The following PCDHGB2 variants were observed in gnomAD, a reference collection of about 807,000 sequenced individuals.
PCDHGB2 encodes protocadherin gamma subfamily B, 2.
In PCDHGB2, 55 loss-of-function variants were observed where a neutral mutation model predicts 59.3. That is an observed-to-expected ratio of 0.93 (90% confidence interval 0.75 to 1.16). The LOEUF (loss-of-function observed/expected upper bound fraction) is 1.16. Among genes scored for constraint, PCDHGB2 ranks in the 50% most tolerant of loss-of-function variants. PCDHGB2 has a pLI of 0.00. For missense variants in PCDHGB2, 1,228 were observed against 1,198.5 expected, an observed-to-expected ratio of 1.02 and a Z score of -0.36; for synonymous variants, 516 against 512.0, an observed-to-expected ratio of 1.01 and a Z score of -0.11.
chr5:141,401,083 C>T (rs2094110284), intron 1 of PCDHGB2, among the ~76,000 whole-genome samples: 1 of 152,176 alleles, frequency 6.6e-6, no homozygotes, highest in Admixed American at 6.5e-5. Context: ...GTGGCTCATG[C>T]CTGTAATCCC....
chr5:141,426,275 G>A (rs531044481), intron 1 of PCDHGB2: 2 of 164,168 alleles, frequency 1.2e-5, no homozygotes, highest in East Asian at 1.6e-4. Context: ...CTGCAGCAAC[G>A]CATGGGAAGG....
chr5:141,423,883 A>G, intron 1 of PCDHGB2: 2 of 1,283,462 alleles, frequency 1.6e-6, no homozygotes, highest in Non-Finnish European at 2.0e-6. Context: ...CAATCTTGGC[A>G]TATTTTCTTT....
intron 1 of PCDHGB2, among the ~76,000 whole-genome samples, chr5:141,381,074 T>C (rs1776971630): frequency 6.6e-6 from 1 of 152,250 alleles, no homozygotes; most frequent in Non-Finnish European, 1.5e-5. Flanking sequence ...AACTATGGAT[T>C]ATTTTGATAG....
At chr5:141,365,948 C>A (rs761134623) in intron 1 of PCDHGB2, 2 of 1,614,186 alleles carry the variant, frequency 1.2e-6, no homozygotes, top group Admixed American at 3.3e-5. Context: ...CAGTGGGAAC[C>A]CTCCACTTAG....
At chr5:141,408,111 C>A (rs1477598232) in intron 1 of PCDHGB2, 7 of 1,455,108 alleles carry the variant, frequency 4.8e-6, no homozygotes, top group African/African-American at 4.3e-5. Context: ...ACCCGGGACT[C>A]CTCCTGTCCT....
rs554375300 is a variant in PCDHGB2 at position 141,361,649 on chromosome 5, T to C, written c.1514T>C (p.Val505Ala). The stretch of plus-strand genomic sequence containing the variant: ...AAGCCGCGGGAGATTTTATCCTACG[T>C]GTCCGTGAGCGCGCAGAGCGGGGTG... ...DLKPREILSY[V>A]SVSAQSGVVF... Residue 505 changes from valine (V) to alanine (A), a missense_variant, in exon 1 of 4, where the codon GTG becomes GCG. This residue lies in a region of PCDHGB2 where 781 missense variants were observed against 721.6 expected (regional missense o/e 1.08). Transcript: ENST00000522605. 3.7e-6 allele frequency: 6 copies of C among 1,613,772 alleles called. No individual in the cohort carries two copies. The East Asian group carries it at 1.3e-4, about 36-fold the overall frequency.
At position 141,482,530 on chromosome 5, in the gene PCDHGB2, C is replaced by CAA. The variant is rs3074545; in HGVS notation, c.2422-12259_2422-12258dup. ...CAGAGTACAGTATGAGACAGACATG[C>CAA]AAAAAAAAAAAAAAAAAAAGATAAT... On this transcript the variant is annotated intron_variant, in intron 1 of 3. Transcript: ENST00000522605. Among the ~76,000 whole-genome samples the CAA allele has an allele frequency of 5.5e-3, 422 of 76,516 alleles. 18 individuals are homozygous for CAA. Among genetic ancestry groups the CAA allele is most frequent in the African/African-American group, 0.016 (343 of 20,862 alleles). The allele number at this position is 76,516 out of a possible 152,430, so 50.2% of individuals were successfully genotyped here.
chr5:141,423,489 T>C (rs764165685), intron 1 of PCDHGB2: 1 of 1,614,016 alleles, frequency 6.2e-7, no homozygotes, highest in South Asian at 1.1e-5. Context: ...TGCAAACCTA[T>C]TCCCACGAGG....
rs548299275 is a variant in PCDHGB2, at chr5:141,384,200, G to A, written c.2421+21644G>A. On this transcript the variant is annotated intron_variant, in intron 1 of 3. Coordinates refer to ENST00000522605, the MANE Select transcript of PCDHGB2 (RefSeq NM_018923.3). ...GATGGTGGAACTCCTCCCTTGTCCAGGGAAACTCACATATTCATGCAGGTG... is the reference window on the plus strand; with the variant it reads ...GATGGTGGAACTCCTCCCTTGTCCAAGGAAACTCACATATTCATGCAGGTG... 131 of 1,613,832 alleles carry A rather than the reference G, an allele frequency of 8.1e-5. 2 individuals are homozygous for A. The South Asian group carries it at 1.4e-3, about 17-fold the overall frequency.
Position 141,477,797 on chromosome 5 carries a change from A to G in PCDHGB2, c.2422-17010A>G. ...CGTGAACATATTTGTCACTGATCGC[A>G]ATGACAATGCCCCCCAGGTCCTATA... On this transcript the variant is annotated intron_variant, in intron 1 of 3. Coordinates refer to ENST00000522605, the MANE Select transcript of PCDHGB2 (RefSeq NM_018923.3). This position sits in a 1 kb window ranked among gnomAD's most constrained non-coding sequence, Gnocchi z 4.9. 1.2e-6 allele frequency: 2 copies of G among 1,614,082 alleles called. No individual in the cohort carries two copies. Among genetic ancestry groups the G allele is most frequent in the Non-Finnish European group, 1.7e-6 (2 of 1,180,032 alleles).
intron 1 of PCDHGB2, among the ~76,000 whole-genome samples, chr5:141,438,587 CATACATAT>C (rs1166583123): frequency 1.2e-4 from 9 of 73,430 alleles, no homozygotes; most frequent in Non-Finnish European, 1.6e-4. Flanking sequence ...TACATACATA[CATACATAT>C]ATATATATAT....
chr5:141,470,550 A>G (rs899475300), intron 1 of PCDHGB2, among the ~76,000 whole-genome samples: 1 of 152,120 alleles, frequency 6.6e-6, no homozygotes, highest in Non-Finnish European at 1.5e-5. Flanking sequence ...ATTTATTGAG[A>G]GTTTCCTCTG....
rs759041753 is a variant in PCDHGB2 at position 141,388,806 on chromosome 5, G to A, written c.2421+26250G>A. 32 of 1,613,842 alleles carry A rather than the reference G, an allele frequency of 2.0e-5. No individual in the cohort carries two copies. Among genetic ancestry groups the A allele is most frequent in the Non-Finnish European group, 2.5e-5 (29 of 1,179,864 alleles). On this transcript the variant is annotated intron_variant, in intron 1 of 3. Coordinates refer to ENST00000522605, the MANE Select transcript of PCDHGB2 (RefSeq NM_018923.3). Reference sequence around the variant, plus strand: ...TACTGTTTTAAATACATTAGATTTTGAAGAAGTCAAAGAATATTCCATAGT... The same window carrying A: ...TACTGTTTTAAATACATTAGATTTTAAAGAAGTCAAAGAATATTCCATAGT...
chr5:141,404,833 C>G (rs754055876), intron 1 of PCDHGB2: 1 of 1,613,844 alleles, frequency 6.2e-7, no homozygotes, highest in Admixed American at 1.7e-5. Flanking sequence ...GTGAAGTGCG[C>G]ACAGCTCGGG....
At chr5:141,375,504 T>G in intron 1 of PCDHGB2, 2 of 1,614,004 alleles carry the variant, frequency 1.2e-6, no homozygotes, top group Non-Finnish European at 1.7e-6. Flanking sequence ...ATCTTCTCTG[T>G]GAATGCACTG....
chr5:141,454,956 G>A (rs62379171), intron 1 of PCDHGB2, among the ~76,000 whole-genome samples: 5,077 of 149,940 alleles, frequency 0.034, 97 homozygotes, highest in Middle Eastern at 0.091. Context: ...TACAGGCGCC[G>A]GCCACCACGC....
At chr5:141,439,571 G>T (rs1010967112) in intron 1 of PCDHGB2, among the ~76,000 whole-genome samples, 4 of 152,154 alleles carry the variant, frequency 2.6e-5, no homozygotes, top group Non-Finnish European at 4.4e-5. Flanking sequence ...CTAGAGTAGG[G>T]ACTCAGAGTG....
intron 1 of PCDHGB2, chr5:141,376,676 G>GGTTTTTTTTT (rs1773026765): frequency 3.6e-6 from 1 of 275,812 alleles, no homozygotes; most frequent in Middle Eastern, 1.2e-3. Context: ...TGAGGGTATC[G>GGTTTTTTTTT]TTTTTTTTTT....
At chr5:141,370,600 T>G in intron 1 of PCDHGB2, 1 of 1,613,984 alleles carries the variant, frequency 6.2e-7, no homozygotes, top group Non-Finnish European at 8.5e-7. Context: ...CTGCGGGTTA[T>G]TGCAGAGAAG....
Sources: gnomAD v4.1 joint callset for allele counts (sites outside exome capture counted in the v4.1 genomes callset) on GRCh38, gnomAD v4.1.1 for gene constraint, gnomAD v4.1.1 regional missense constraint, Gnocchi (gnomAD v3.1) non-coding constraint, MANE v1.5 for transcripts, NCBI Gene and HGNC (gene_info 2026-07-23, HGNC 2026-07-21) for gene names.